Variants in BTBD8 observed in about 807,000 individuals in gnomAD.
BTBD8 encodes the protein BTB domain containing 8, also known as BTB/POZ domain-containing protein 8.
In BTBD8, 110 loss-of-function variants were observed where a neutral mutation model predicts 162.9. That is an observed-to-expected ratio of 0.68 (90% confidence interval 0.58 to 0.79). The LOEUF (loss-of-function observed/expected upper bound fraction) is 0.79. Ranked by LOEUF, BTBD8 falls within the 30% of genes least tolerant of loss-of-function variation. The pLI, the probability that BTBD8 is intolerant of heterozygous loss-of-function variation, is 0.00. For synonymous variants in BTBD8, 667 were observed against 716.1 expected (o/e 0.93, Z 1.10); for missense variants, 1,905 against 2,085.4 (o/e 0.91, Z 1.68).
chr1:92,112,448 T>C (rs1168169727), intron 4 of BTBD8, among the ~76,000 whole-genome samples: 1 of 152,154 alleles, frequency 6.6e-6, no homozygotes, highest in African/African-American at 2.4e-5. Flanking sequence ...ATATATGTAT[T>C]GTTTTTGTGA....
At chr1:92,180,222 A>C in intron 16 of BTBD8, 43 bp from the exon 17 acceptor site, 6 of 1,327,032 alleles carry the variant, frequency 4.5e-6, no homozygotes, top group Non-Finnish European at 6.1e-6. Context: ...CACAAATTGG[A>C]GGTGATATTA....
At chr1:92,161,714 A>G (rs891419686) in intron 9 of BTBD8, among the ~76,000 whole-genome samples, 1 of 152,204 alleles carries the variant, frequency 6.6e-6, no homozygotes, top group African/African-American at 2.4e-5. Flanking sequence ...TCACTGTGTT[A>G]GTAAGAGTAT....
Position 92,168,002 on chromosome 1 carries a change from A to C in BTBD8, c.1443+17A>C. On this transcript the variant is annotated intron_variant, in intron 11 of 17. Transcript: ENST00000636805. ...AAGGAAATGGTACTGAATGTAATGA[A>C]ATTTATTAAAATAATGCAATATTTG... The C allele has an allele frequency of 6.6e-7, 1 of 1,516,486 alleles. No individual in the cohort carries two copies. Among genetic ancestry groups the C allele is most frequent in the Non-Finnish European group, 8.9e-7 (1 of 1,128,130 alleles). 93.9% of individuals were successfully genotyped at this position (1,516,486 alleles called of 1,614,324 possible).
intron 4 of BTBD8, among the ~76,000 whole-genome samples, chr1:92,119,488 G>A (rs1200404731): frequency 3.3e-5 from 5 of 151,546 alleles, no homozygotes; most frequent in Non-Finnish European, 4.4e-5. Flanking sequence ...TTCTTCCTGC[G>A]CTGGCCAGGC....
chr1:92,140,751 G>A (rs1467243527), intron 6 of BTBD8, among the ~76,000 whole-genome samples: 1 of 152,122 alleles, frequency 6.6e-6, no homozygotes, highest in Non-Finnish European at 1.5e-5. Context: ...TTGCCTCCCC[G>A]CCCCTGCCAA....
At chr1:92,128,244 G>A (rs1649411989) in intron 4 of BTBD8, among the ~76,000 whole-genome samples, 1 of 150,798 alleles carries the variant, frequency 6.6e-6, no homozygotes, top group Non-Finnish European at 1.5e-5. Flanking sequence ...AGCCTCCCGA[G>A]TAGTTGGGAT....
chr1:92,088,895 A>C lies in BTBD8; in HGVS notation c.347A>C (p.Gln116Pro), dbSNP rs774751112. Reference protein sequence around the residue: ...VEALEFRTFLQIIYSSNRNIK... With the variant: ...VEALEFRTFLPIIYSSNRNIK... ...GCTTTAGAATTTAGAACGTTTTTAC[A>C]GTAAGTGCTTTCTTTATCCATGTAA... Residue 116 changes from glutamine to proline, a missense_variant and splice_region_variant, in exon 2 of 18, where the codon CAG becomes CCG. Transcript: ENST00000636805. 1 of 1,603,530 alleles carries C rather than the reference A, an allele frequency of 6.2e-7. No individual in the cohort carries two copies. The highest frequency in any genetic ancestry group is 1.1e-5 in the South Asian group (1 of 89,112).
In BTBD8 at chr1:92,080,591, G is replaced by C; in HGVS notation, c.20G>C (p.Gly7Ala). Reference sequence around the variant, plus strand: ...TGAGACATGGCTCGCTGTGGGGAAGGCAGTGCGGCCCCCATGGTACTTCTG... The same window carrying C: ...TGAGACATGGCTCGCTGTGGGGAAGCCAGTGCGGCCCCCATGGTACTTCTG... MARCGE[G>A]SAAPMVLLGS... Residue 7 changes from glycine (G) to alanine (A), a missense_variant, in exon 1 of 18, where the codon GGC becomes GCC. Physicochemically the swap from Gly to Ala is moderately conservative, Grantham distance 60 (BLOSUM62 0). Around this residue, in one of 3 missense-constraint regions of BTBD8, gnomAD observed 1,374 missense variants for 1,442.7 expected, o/e 0.95. Transcript: ENST00000636805. 1 of 1,614,058 alleles carries C rather than the reference G, an allele frequency of 6.2e-7. No individual in the cohort carries two copies. The highest frequency in any genetic ancestry group is 8.5e-7 in the Non-Finnish European group (1 of 1,179,936).
chr1:92,117,526 C>T (rs1423853155), intron 4 of BTBD8, among the ~76,000 whole-genome samples: 4 of 151,654 alleles, frequency 2.6e-5, no homozygotes, highest in East Asian at 1.9e-4. Context: ...CAGTTCTGGC[C>T]GGAAGGAACT....
At chr1:92,169,524 C>T (rs908486921) in intron 12 of BTBD8, among the ~76,000 whole-genome samples, 1 of 152,018 alleles carries the variant, frequency 6.6e-6, no homozygotes, top group Admixed American at 6.6e-5. Context: ...TAGGTATCAT[C>T]TGAAACATTA....
chr1:92,112,074 T>A (rs1648912310), intron 4 of BTBD8, among the ~76,000 whole-genome samples: 1 of 152,078 alleles, frequency 6.6e-6, no homozygotes, highest in African/African-American at 2.4e-5. Flanking sequence ...AAAACTCGGA[T>A]GAGTGCTTTG....
At position 92,102,498 on chromosome 1, in the gene BTBD8, A is replaced by G. The variant is rs368418423; in HGVS notation, c.373A>G (p.Ile125Val). The change falls in exon 3 of 18, where the codon ATA becomes GTA. Residue 125 changes from isoleucine (I) to valine (V), a missense_variant. Physicochemically the swap from Ile to Val is conservative, Grantham distance 29. Coordinates refer to ENST00000636805, the MANE Select transcript of BTBD8 (RefSeq NM_001376131.1). Reference protein sequence around the residue: ...LQIIYSSNRNIKNYEEEILRK... With the variant: ...LQIIYSSNRNVKNYEEEILRK... The stretch of plus-strand genomic sequence containing the variant: ...GATTATATATTCATCAAACAGAAAC[A>G]TAAAAAACTATGAAGAGGAAATTCT... The G allele has an allele frequency of 7.1e-6, 11 of 1,541,938 alleles. No individual in the cohort carries two copies. The highest frequency in any genetic ancestry group is 2.8e-5 in the African/African-American group (2 of 71,718).
intron 4 of BTBD8, chr1:92,125,882 CAAT>C (rs1236806558): frequency 1.9e-5 from 8 of 420,240 alleles, no homozygotes; most frequent in Non-Finnish European, 3.3e-5. Flanking sequence ...ATGTCTGTGT[CAAT>C]GATGAATGAG....
intron 7 of BTBD8, among the ~76,000 whole-genome samples, chr1:92,144,967 G>GT (rs1200437204): frequency 2.6e-5 from 4 of 151,910 alleles, no homozygotes; most frequent in African/African-American, 9.7e-5. Flanking sequence ...TTTTGTTGTT[G>GT]TTTTTTTGAG....
In BTBD8 at chr1:92,168,972, A is replaced by G. The variant is rs925434554; in HGVS notation, c.1550A>G (p.Asp517Gly). Residue 517 changes from aspartate to glycine, a missense_variant, in exon 12 of 18, where the codon GAT becomes GGT. By Grantham distance (94) the Asp-to-Gly change is moderately conservative (BLOSUM62 -1). Coordinates refer to ENST00000636805, the MANE Select transcript of BTBD8 (RefSeq NM_001376131.1). ...HTESWKLMST[D>G]DQQKIQAAAF... is the part of the protein sequence containing the mutation. ...GAAAGCTGGAAGCTGATGAGCACAG[A>G]TGATCAACAGAAAATCCAAGCAGGT... 31 of 1,533,916 alleles carry G rather than the reference A, an allele frequency of 2.0e-5. No homozygotes were observed. Among genetic ancestry groups the G allele is most frequent in the Non-Finnish European group, 2.7e-5 (31 of 1,133,818 alleles).
chr1:92,151,906 A>G (rs745596301), intron 9 of BTBD8, among the ~76,000 whole-genome samples: 3 of 152,206 alleles, frequency 2.0e-5, no homozygotes, highest in Non-Finnish European at 4.4e-5. Flanking sequence ...GTAGTATTAC[A>G]TGGTGTATAT....
Position 92,182,568 on chromosome 1 carries a change from G to A in BTBD8, c.4885G>A (p.Glu1629Lys). ...GAAAGAGAGCCATTCTACAACTACT[G>A]AAAAAGCTAATATTGCTTTATCTGC... ...PVKESHSTTTEKANIALSAGD... is the reference protein window; with the variant it reads ...PVKESHSTTTKKANIALSAGD... Residue 1629 changes from glutamate to lysine, a missense_variant, in exon 17 of 18, where the codon GAA becomes AAA. Coordinates refer to ENST00000636805, the MANE Select transcript of BTBD8 (RefSeq NM_001376131.1). The A allele has an allele frequency of 1.3e-6, 2 of 1,507,148 alleles. No individual in the cohort carries two copies. The highest frequency in any genetic ancestry group is 2.6e-5 in the South Asian group (2 of 75,692). The allele number at this position is 1,507,148 out of a possible 1,614,324, so 93.4% of individuals were successfully genotyped here. A position where few individuals can be genotyped will look rare whatever the true frequency, so the allele number is the denominator to read the frequency against.
intron 4 of BTBD8, among the ~76,000 whole-genome samples, chr1:92,127,751 G>C (rs1182659096): frequency 6.6e-6 from 1 of 152,036 alleles, no homozygotes; most frequent in African/African-American, 2.4e-5. Flanking sequence ...AGTAGAGGTG[G>C]GCTTTTACCA....
At position 92,139,932 on chromosome 1, in the gene BTBD8, C is replaced by CAAAAAAAAAAAAA. The variant is rs748883480; in HGVS notation, c.833+521_833+533dup. 51 of 18,218 alleles carry CAAAAAAAAAAAAA rather than the reference C, an allele frequency of 2.8e-3. 11 individuals carry two copies. Among genetic ancestry groups the CAAAAAAAAAAAAA allele is most frequent in the East Asian group, 7.4e-3 (4 of 540 alleles). The allele number at this position is 18,218 out of a possible 1,614,324, so 1.1% of individuals were successfully genotyped here. A position where few individuals can be genotyped will look rare whatever the true frequency, so the allele number is the denominator to read the frequency against. On this transcript the variant is annotated intron_variant, in intron 6 of 17. Transcript: ENST00000636805. ...TGAAACCTCGTCTCTACTAAAAATA[C>CAAAAAAAAAAAAA]AAAAAAAAAAAAAAAAAAAAAAAAA... is the stretch of plus-strand genomic sequence containing the variant.
Sources: allele counts gnomAD v4.1 joint callset (sites outside exome capture counted in the v4.1 genomes callset), GRCh38; gene constraint gnomAD v4.1.1; regional missense constraint gnomAD v4.1.1; transcripts MANE v1.5; gene names NCBI Gene and HGNC (gene_info 2026-07-23, HGNC 2026-07-21).